Variants in MALRD1 observed in about 807,000 individuals in gnomAD.
MALRD1 encodes MAM and LDL receptor class A domain containing 1.
A neutral mutation model predicts 242.1 loss-of-function variants in MALRD1; 247 were observed. That is an observed-to-expected ratio of 1.02 (90% CI 0.92 to 1.13). MALRD1 has a LOEUF of 1.13. Among genes scored for constraint, MALRD1 ranks in the 50% most tolerant of loss-of-function variants. The pLI, the probability that MALRD1 is intolerant of heterozygous loss-of-function variation, is 0.00. For synonymous variants in MALRD1, 995 were observed against 866.6 expected, an observed-to-expected ratio of 1.15 and a Z score of -2.60; for missense variants, 2,989 against 2,533.1, an observed-to-expected ratio of 1.18 and a Z score of -3.86.
At chr10:19,272,318 A>C (rs2131852047) in intron 19 of MALRD1, among the ~76,000 whole-genome samples, 1 of 152,188 alleles carries the variant, frequency 6.6e-6, no homozygotes, top group Middle Eastern at 3.4e-3. Context: ...GACATTTCAC[A>C]GACTAGGAGA....
intron 33 of MALRD1, among the ~76,000 whole-genome samples, chr10:19,575,251 T>C (rs1836750792): frequency 6.6e-6 from 1 of 152,200 alleles, no homozygotes; most frequent in African/African-American, 2.4e-5. Context: ...CAAGACCCAG[T>C]AGGGCTAAAC....
At position 19,294,995 on chromosome 10, in the gene MALRD1, T is replaced by C. The variant is rs543044113; in HGVS notation, c.3419+11814T>C. ...ATTTTGTTTGCAATCTGTAATCATC[T>C]ATTTATTAATATTTTTATGAGTCAA... On this transcript the variant is annotated intron_variant, in intron 21 of 39. Transcript: ENST00000454679. Among the ~76,000 whole-genome samples, 4 of 152,186 alleles carry C rather than the reference T, an allele frequency of 2.6e-5. No individual in the cohort carries two copies. In the East Asian group the frequency reaches 5.8e-4, roughly 22 times the overall value.
intron 17 of MALRD1, among the ~76,000 whole-genome samples, chr10:19,208,443 ATTT>A (rs1836884765): frequency 1.3e-5 from 2 of 152,094 alleles, no homozygotes; most frequent in African/African-American, 4.8e-5. Flanking sequence ...AGGAGTTTTT[ATTT>A]AGGTATAGAT....
chr10:19,184,644 A>G (rs1835659702), intron 14 of MALRD1, among the ~76,000 whole-genome samples: 1 of 151,846 alleles, frequency 6.6e-6, no homozygotes, highest in Non-Finnish European at 1.5e-5. Context: ...TGCTTCCCGG[A>G]TTCAAGTGAT....
chr10:19,695,240 A>G lies in MALRD1; in HGVS notation c.6314+2686A>G, dbSNP rs532327950. Among the ~76,000 whole-genome samples, 5 of 152,246 alleles carry G rather than the reference A, an allele frequency of 3.3e-5. No homozygotes were observed. The South Asian group carries it at 1.0e-3, about 32-fold the overall frequency. ...TATAATAAAAACTATATAAATATAT[A>G]TGAAATATTTATATATGACATTATC... is the stretch of plus-strand genomic sequence containing the variant. On this transcript the variant is annotated intron_variant, in intron 38 of 39. Transcript: ENST00000454679.
intron 16 of MALRD1, 93 bp downstream of exon 16, chr10:19,204,506 G>A (rs1006734933): frequency 8.8e-6 from 7 of 792,652 alleles, no homozygotes; most frequent in Non-Finnish European, 9.8e-6. Context: ...TCATTTCTGT[G>A]GTTTACTGCT....
intron 31 of MALRD1, among the ~76,000 whole-genome samples, chr10:19,518,082 A>G (rs1833718272): frequency 6.6e-6 from 1 of 152,236 alleles, no homozygotes; most frequent in Admixed American, 6.5e-5. Flanking sequence ...ACTGCTAGGC[A>G]TCTGCCTTAT....
At chr10:19,100,826 A>G (rs1050515949) in intron 4 of MALRD1, among the ~76,000 whole-genome samples, 2 of 152,156 alleles carry the variant, frequency 1.3e-5, no homozygotes, top group Non-Finnish European at 2.9e-5. Context: ...AAAAAAAACC[A>G]GAGACATGTG....
At chr10:19,666,108 G>T (rs1451688869) in intron 36 of MALRD1, among the ~76,000 whole-genome samples, 2 of 152,134 alleles carry the variant, frequency 1.3e-5, no homozygotes, top group African/African-American at 4.8e-5. Context: ...TTTGAGGCAT[G>T]TGCCATCTGG....
intron 36 of MALRD1, among the ~76,000 whole-genome samples, chr10:19,690,462 T>G (rs1339199523): frequency 2.0e-5 from 3 of 152,050 alleles, no homozygotes. Context: ...GGGCAGGACT[T>G]TACAAAGTTC....
intron 4 of MALRD1, among the ~76,000 whole-genome samples, chr10:19,088,563 GTTTTT>G (rs200967295): frequency 1.3e-5 from 1 of 76,890 alleles, no homozygotes; most frequent in African/African-American, 5.5e-5. Flanking sequence ...ATTTTATAAA[GTTTTT>G]TTTTATTTAT....
intron 38 of MALRD1, among the ~76,000 whole-genome samples, chr10:19,705,907 CT>C: frequency 6.6e-6 from 1 of 151,612 alleles, no homozygotes; most frequent in African/African-American, 2.4e-5. Context: ...ACCCCTTACC[CT>C]TTTTCCAGAG....
rs149841897 is a variant in MALRD1, at chr10:19,163,274, T to C, written c.1657-2363T>C. Among the ~76,000 whole-genome samples the C allele has an allele frequency of 5.7e-3, 860 of 150,834 alleles. 7 individuals are homozygous for C. The highest frequency in any genetic ancestry group is 7.8e-3 in the Non-Finnish European group (532 of 67,836). On this transcript the variant is annotated intron_variant, in intron 12 of 39. Transcript: ENST00000454679. ...CACCTAGATGCCCAGCAATGACAGA[T>C]TGGTTAAAGAAAGAGTGGTACATAT...
At chr10:19,620,058 A>T (rs1839334848) in intron 36 of MALRD1, among the ~76,000 whole-genome samples, 1 of 151,838 alleles carries the variant, frequency 6.6e-6, no homozygotes, top group Non-Finnish European at 1.5e-5. Flanking sequence ...TTTGTGGCAG[A>T]AAAAGATTAA....
intron 23 of MALRD1, among the ~76,000 whole-genome samples, chr10:19,330,195 G>C (rs1290350108): frequency 6.6e-6 from 1 of 151,666 alleles, no homozygotes; most frequent in Non-Finnish European, 1.5e-5. Context: ...ATGAAGAGCA[G>C]TCTATTCCTT....
At chr10:19,251,446 T>G (rs867378043) in intron 18 of MALRD1, among the ~76,000 whole-genome samples, 38 of 152,078 alleles carry the variant, frequency 2.5e-4, no homozygotes, top group Middle Eastern at 6.8e-3. Flanking sequence ...ATTCCTCTCC[T>G]ATGGTGTGAC....
At chr10:19,298,943 A>G (rs994482204) in intron 21 of MALRD1, among the ~76,000 whole-genome samples, 1 of 151,960 alleles carries the variant, frequency 6.6e-6, no homozygotes, top group Admixed American at 6.6e-5. Flanking sequence ...AAAAAAAATC[A>G]AAACTAGAAT....
At chr10:19,705,282 A>G (rs962469217) in intron 38 of MALRD1, among the ~76,000 whole-genome samples, 5 of 152,086 alleles carry the variant, frequency 3.3e-5, no homozygotes, top group South Asian at 4.1e-4. Context: ...TGCTTACTCT[A>G]TACCTCAAGG....
intron 36 of MALRD1, among the ~76,000 whole-genome samples, chr10:19,689,869 C>G (rs1842748266): frequency 6.6e-6 from 1 of 151,964 alleles, no homozygotes; most frequent in Non-Finnish European, 1.5e-5. Flanking sequence ...AGCACCATAT[C>G]CATTTATAAT....
Sources: allele counts gnomAD v4.1 joint callset (sites outside exome capture counted in the v4.1 genomes callset), GRCh38; gene constraint gnomAD v4.1.1; transcripts MANE v1.5; gene names NCBI Gene and HGNC (gene_info 2026-07-23, HGNC 2026-07-21).